Variants in EPHB1 observed in about 807,000 individuals in gnomAD.
The protein encoded by EPHB1 is ephrin type-B receptor 1.
A neutral mutation model predicts 94.4 loss-of-function variants in EPHB1; 30 were observed. The observed-to-expected ratio is 0.32, with a 90% CI of 0.24 to 0.43. The LOEUF is 0.43. Among genes scored for constraint, EPHB1 ranks in the 20% least tolerant of loss-of-function variants. The probability of loss-of-function intolerance (pLI) is 1.00; values close to 1 mark genes in which losing one functional copy is unlikely to be tolerated. For synonymous variants in EPHB1, 522 were observed against 489.1 expected, an observed-to-expected ratio of 1.07 and a Z score of -0.89; for missense variants, 1,055 against 1,308.3, an observed-to-expected ratio of 0.81 and a Z score of 2.99.
chr3:135,015,072 A>G (rs1456970630), intron 3 of EPHB1, among the ~76,000 whole-genome samples: 1 of 152,048 alleles, frequency 6.6e-6, no homozygotes, highest in Non-Finnish European at 1.5e-5. Context: ...CCCCAGCCTC[A>G]CAGGACCTCA....
intron 10 of EPHB1, among the ~76,000 whole-genome samples, chr3:135,186,205 T>C (rs1942325285): frequency 6.6e-6 from 1 of 152,232 alleles, no homozygotes; most frequent in Admixed American, 6.5e-5. Context: ...CCATTTTCCC[T>C]CACTCTCTGG....
In EPHB1 at chr3:134,984,593, A is replaced by G. The variant is rs572963082; in HGVS notation, c.805+32541A>G. ...AAGGGCCCTCACCTGGGCCCCAGAG[A>G]GGGAAGGGCCCTCACCTGGGCCCCA... On this transcript the variant is annotated intron_variant, in intron 3 of 15. Coordinates refer to ENST00000398015, the MANE Select transcript of EPHB1 (RefSeq NM_004441.5). Among the ~76,000 whole-genome samples the G allele has an allele frequency of 3.4e-4, 52 of 151,982 alleles. 1 individual carries two copies. Among genetic ancestry groups the G allele is most frequent in the African/African-American group, 1.0e-3 (43 of 41,490 alleles).
chr3:134,918,853 A>T (rs759294507), intron 1 of EPHB1, among the ~76,000 whole-genome samples: 16 of 152,228 alleles, frequency 1.1e-4, no homozygotes, highest in Non-Finnish European at 1.9e-4. Flanking sequence ...TCTTTGGACA[A>T]ATTCTTCGGA....
intron 1 of EPHB1, among the ~76,000 whole-genome samples, chr3:134,811,763 G>A (rs1416663384): frequency 6.6e-6 from 1 of 152,308 alleles, no homozygotes; most frequent in African/African-American, 2.4e-5. Flanking sequence ...GCGACTTAGT[G>A]GGCCCTCAGC....
At chr3:134,962,807 C>T (rs1933572974) in intron 3 of EPHB1, among the ~76,000 whole-genome samples, 1 of 152,038 alleles carries the variant, frequency 6.6e-6, no homozygotes, top group South Asian at 2.1e-4. Context: ...CTCCTGCCCC[C>T]TCTTCATTTC....
intron 1 of EPHB1, among the ~76,000 whole-genome samples, chr3:134,873,716 T>C (rs1281789727): frequency 6.6e-5 from 10 of 152,190 alleles, no homozygotes; most frequent in African/African-American, 2.2e-4. Flanking sequence ...CGCATCTGTG[T>C]TAGCAGGTGG....
chr3:135,140,423 A>G (rs966012540), intron 5 of EPHB1, among the ~76,000 whole-genome samples: 2 of 152,220 alleles, frequency 1.3e-5, no homozygotes, highest in African/African-American at 2.4e-5. Flanking sequence ...ATAGAAAGCA[A>G]TCAATAAACG....
intron 1 of EPHB1, among the ~76,000 whole-genome samples, chr3:134,890,692 A>C (rs1244678096): frequency 1.3e-5 from 2 of 152,364 alleles, no homozygotes; most frequent in Admixed American, 1.3e-4. Context: ...AATAAATAAC[A>C]CTTTCATTGG....
chr3:134,890,128 C>A (rs1311291406), intron 1 of EPHB1, among the ~76,000 whole-genome samples: 8 of 152,048 alleles, frequency 5.3e-5, no homozygotes, highest in African/African-American at 1.2e-4. Flanking sequence ...TCAGTCACTA[C>A]CCCCCCTTCC....
Position 134,955,565 on chromosome 3 carries a change from G to A in EPHB1, c.805+3513G>A, listed in dbSNP as rs1197355318. Among the ~76,000 whole-genome samples the A allele has an allele frequency of 2.0e-5, 2 of 99,044 alleles. 1 individual carries two copies. Among genetic ancestry groups the A allele is most frequent in the South Asian group, 7.5e-4 (2 of 2,660 alleles). 65.0% of individuals were successfully genotyped at this position (99,044 alleles called of 152,430 possible). On this transcript the variant is annotated intron_variant, in intron 3 of 15. Coordinates refer to ENST00000398015, the MANE Select transcript of EPHB1 (RefSeq NM_004441.5). Reference sequence around the variant, plus strand: ...CAACCATTGTGGAAGTCAGTGTGGCGATTCCTCAGGGATCTAGAACTAGAA... The same window carrying A: ...CAACCATTGTGGAAGTCAGTGTGGCAATTCCTCAGGGATCTAGAACTAGAA...
At chr3:134,936,724 G>A (rs753512646) in intron 2 of EPHB1, among the ~76,000 whole-genome samples, 10 of 152,212 alleles carry the variant, frequency 6.6e-5, no homozygotes, top group South Asian at 2.1e-4. Context: ...CCAGTGTCAC[G>A]AAGGACAGCC....
At position 135,198,950 on chromosome 3, in the gene EPHB1, C is replaced by T. The variant is rs1449326944; in HGVS notation, c.2131-2524C>T. 7.9e-5 allele frequency among the ~76,000 whole-genome samples: 12 copies of T among 152,308 alleles called. 2 individuals are homozygous for T. In the South Asian group the frequency reaches 2.1e-3, roughly 26 times the overall value. On this transcript the variant is annotated intron_variant, in intron 11 of 15. Transcript: ENST00000398015. ...GGTCTGCTGGCTCCAAAGCCTGGACCTTTCCTCATTTCTTGGTCTTTTTTG... is the reference window on the plus strand; with the variant it reads ...GGTCTGCTGGCTCCAAAGCCTGGACTTTTCCTCATTTCTTGGTCTTTTTTG...
At chr3:134,823,636 G>T (rs548427410) in intron 1 of EPHB1, among the ~76,000 whole-genome samples, 1 of 152,182 alleles carries the variant, frequency 6.6e-6, no homozygotes, top group Non-Finnish European at 1.5e-5. Flanking sequence ...TCTAGGTCCA[G>T]CCAGGTTTCT....
At chr3:135,189,855 C>T (rs1203132275) in intron 10 of EPHB1, among the ~76,000 whole-genome samples, 1 of 152,204 alleles carries the variant, frequency 6.6e-6, no homozygotes, top group Non-Finnish European at 1.5e-5. Context: ...TGATGCCACC[C>T]AACTCCCAGG....
At chr3:135,032,412 T>G (rs1271212881) in intron 3 of EPHB1, among the ~76,000 whole-genome samples, 1 of 152,192 alleles carries the variant, frequency 6.6e-6, no homozygotes, top group African/African-American at 2.4e-5. Flanking sequence ...CTTTCATGAG[T>G]GCAATATTGT....
intron 4 of EPHB1, among the ~76,000 whole-genome samples, chr3:135,127,514 C>T (rs563661085): frequency 6.6e-6 from 1 of 152,276 alleles, no homozygotes; most frequent in Non-Finnish European, 1.5e-5. Context: ...GAGCTAGACC[C>T]GACCTGCTTG....
At chr3:135,084,830 G>A (rs1044741007) in intron 3 of EPHB1, among the ~76,000 whole-genome samples, 2 of 152,234 alleles carry the variant, frequency 1.3e-5, no homozygotes, top group East Asian at 1.9e-4. Flanking sequence ...CATGATGGAT[G>A]TTTGATAGGC....
chr3:135,066,872 C>T (rs1239468525), intron 3 of EPHB1, among the ~76,000 whole-genome samples: 1 of 152,188 alleles, frequency 6.6e-6, no homozygotes, highest in Non-Finnish European at 1.5e-5. Context: ...TCTTTTGTCC[C>T]ACAGTGTGTT....
chr3:135,005,952 G>C (rs1392154576), intron 3 of EPHB1, among the ~76,000 whole-genome samples: 1 of 152,210 alleles, frequency 6.6e-6, no homozygotes, highest in East Asian at 1.9e-4. Flanking sequence ...GTAGACCGGA[G>C]CTGTTCCTAT....
Sources: gnomAD v4.1 joint callset for allele counts (sites outside exome capture counted in the v4.1 genomes callset) on GRCh38, gnomAD v4.1.1 for gene constraint, MANE v1.5 for transcripts, NCBI Gene and HGNC (gene_info 2026-07-23, HGNC 2026-07-21) for gene names.